The following DIXDC1 variants were observed in gnomAD, a reference collection of about 807,000 sequenced individuals.
DIXDC1 encodes the protein DIX domain containing 1, also known as dixin.
A neutral mutation model predicts 103.1 loss-of-function variants in DIXDC1; 64 were observed. The observed-to-expected ratio is 0.62, with a 90% CI of 0.51 to 0.76. The LOEUF is 0.76. DIXDC1 is among the 30% of genes least tolerant of loss of function. The pLI is 0.00. For missense variants in DIXDC1, 759 were observed against 834.2 expected, an observed-to-expected ratio of 0.91 and a Z score of 1.11; for synonymous variants, 266 against 298.5, an observed-to-expected ratio of 0.89 and a Z score of 1.12.
intron 17 of DIXDC1, among the ~76,000 whole-genome samples, chr11:111,999,911 G>A (rs1002450303): frequency 6.6e-6 from 1 of 151,978 alleles, no homozygotes. Context: ...TGAAGCAGGC[G>A]GATCACCTGA....
chr11:112,007,367 A>C (rs1861269302), intron 17 of DIXDC1, among the ~76,000 whole-genome samples: 1 of 152,232 alleles, frequency 6.6e-6, no homozygotes, highest in African/African-American at 2.4e-5. Flanking sequence ...AATGGAACCA[A>C]GTTGGAAAAC....
At chr11:111,980,518 T>C (rs943988537) in intron 5 of DIXDC1, among the ~76,000 whole-genome samples, 1 of 152,198 alleles carries the variant, frequency 6.6e-6, no homozygotes, top group Non-Finnish European at 1.5e-5. Context: ...GGAGAGACTT[T>C]GTAGGACTGG....
intron 2 of DIXDC1, among the ~76,000 whole-genome samples, chr11:111,930,617 A>C (rs1345794762): frequency 6.6e-6 from 1 of 152,144 alleles, no homozygotes; most frequent in Non-Finnish European, 1.5e-5. Flanking sequence ...TAATGGCTGT[A>C]ATTTTCTTAA....
chr11:111,989,964 ATT>A (rs1391436851), intron 10 of DIXDC1, among the ~76,000 whole-genome samples: 1 of 143,294 alleles, frequency 7.0e-6, no homozygotes, highest in Non-Finnish European at 1.5e-5. Context: ...AATTTTTTGT[ATT>A]TTTTTAGTAG....
intron 3 of DIXDC1, 60 bp from the exon 4 acceptor site, chr11:111,973,963 T>C: frequency 6.5e-7 from 1 of 1,534,718 alleles, no homozygotes. Context: ...AGTCCTCAGC[T>C]TTTGCCTCCC....
At position 112,019,430 on chromosome 11, in the gene DIXDC1, A is replaced by G. The variant is rs1262631785; in HGVS notation, c.*394A>G. Reference sequence around the variant, plus strand: ...TACAGTATTATTTTAATTGGCCTCAATGGTTGCAGCAATCAGAGTCCCAGC... The same window carrying G: ...TACAGTATTATTTTAATTGGCCTCAGTGGTTGCAGCAATCAGAGTCCCAGC... On this transcript the variant is annotated 3_prime_UTR_variant, in exon 20 of 20. Coordinates refer to ENST00000440460, the MANE Select transcript of DIXDC1 (RefSeq NM_001037954.4). 2 of 154,084 alleles carry G rather than the reference A, an allele frequency of 1.3e-5. No homozygotes were observed. Among genetic ancestry groups the G allele is most frequent in the East Asian group, 1.9e-4 (1 of 5,252 alleles). 9.5% of individuals were successfully genotyped at this position (154,084 alleles called of 1,614,324 possible).
chr11:112,016,589 G>C, intron 17 of DIXDC1, 102 bp from the exon 18 acceptor site: 1 of 938,048 alleles, frequency 1.1e-6, no homozygotes, highest in Non-Finnish European at 1.5e-6. Context: ...GCTGTGGGCT[G>C]TGACCTCAGG....
intron 1 of DIXDC1, among the ~76,000 whole-genome samples, chr11:111,947,584 G>A (rs1966640865): frequency 6.6e-6 from 1 of 152,206 alleles, no homozygotes. Flanking sequence ...CCTTGGATGA[G>A]AAGTACAGAT....
chr11:112,016,114 CCT>C (rs1555177678), intron 17 of DIXDC1: 2 of 150,732 alleles, frequency 1.3e-5, no homozygotes, highest in Admixed American at 6.6e-5. Flanking sequence ...CCGGCGAGAC[CCT>C]GTCTTAAAAA....
intron 17 of DIXDC1, among the ~76,000 whole-genome samples, chr11:112,005,812 CA>C (rs1861218059): frequency 6.6e-6 from 1 of 152,122 alleles, no homozygotes; most frequent in Non-Finnish European, 1.5e-5. Context: ...TTGCAGTAAT[CA>C]GTAGAAGTAG....
At chr11:111,990,800 G>A (rs761223859) in intron 10 of DIXDC1, among the ~76,000 whole-genome samples, 5 of 151,998 alleles carry the variant, frequency 3.3e-5, no homozygotes, top group Admixed American at 1.3e-4. Context: ...TCCACCTCCC[G>A]AGTTCAAGCA....
chr11:112,004,358 G>A (rs1861169142), intron 17 of DIXDC1, among the ~76,000 whole-genome samples: 1 of 152,086 alleles, frequency 6.6e-6, no homozygotes, highest in South Asian at 2.1e-4. Flanking sequence ...TTAAGCCACT[G>A]TGGAAGCGAA....
Position 111,977,825 on chromosome 11 carries a change from G to A in DIXDC1, c.656+2842G>A, listed in dbSNP as rs1346155906. 6.5e-7 allele frequency: 1 copy of A among 1,543,194 alleles called. No homozygotes were observed. The highest frequency in any genetic ancestry group is 1.2e-5 in the South Asian group (1 of 83,388). ...CTGAAGCCACTCTGGCTTTGGAAGT[G>A]GGGGGCCTGGGTGGGAACAGGGGCA... is the stretch of plus-strand genomic sequence containing the variant. On this transcript the variant is annotated intron_variant, in intron 5 of 19. Coordinates refer to ENST00000440460, the MANE Select transcript of DIXDC1 (RefSeq NM_001037954.4). This position sits in a 1 kb window ranked among gnomAD's most constrained non-coding sequence, Gnocchi z 6.1.
chr11:112,018,344 G>GC (rs1336737989), intron 19 of DIXDC1, among the ~76,000 whole-genome samples: 1 of 152,166 alleles, frequency 6.6e-6, no homozygotes, highest in Non-Finnish European at 1.5e-5. Flanking sequence ...CTTAGCCTAC[G>GC]CGTCTCTTTA....
Position 112,017,782 on chromosome 11 carries a change from A to C in DIXDC1, c.1868A>C (p.Glu623Ala). Residue 623 changes from glutamate to alanine, a missense_variant, in exon 19 of 20, where the codon GAG becomes GCG. This residue lies in a region of DIXDC1 where 657 missense variants were observed against 727.5 expected (regional missense o/e 0.90). Transcript: ENST00000440460. This position sits in a 1 kb window ranked among gnomAD's most constrained non-coding sequence, Gnocchi z 4.0. ...GCTCTCTCCTTGTGTTGCAGGTTGGAGGAGGTGACGTTAAAGGATTTTAAA... is the reference window on the plus strand; with the variant it reads ...GCTCTCTCCTTGTGTTGCAGGTTGGCGGAGGTGACGTTAAAGGATTTTAAA... Reference protein sequence around the residue: ...PFMVNIPKRLEEVTLKDFKAA... With the variant: ...PFMVNIPKRLAEVTLKDFKAA... 6.2e-7 allele frequency: 1 copy of C among 1,608,168 alleles called. No homozygotes were observed. Among genetic ancestry groups the C allele is most frequent in the Non-Finnish European group, 8.5e-7 (1 of 1,176,916 alleles).
At chr11:111,996,992 G>T (rs1448653739) in intron 17 of DIXDC1, among the ~76,000 whole-genome samples, 1 of 152,122 alleles carries the variant, frequency 6.6e-6, no homozygotes, top group Non-Finnish European at 1.5e-5. Context: ...GTTCAAACTT[G>T]TTGGAAAGCT....
chr11:111,928,587 C>A (rs1555167340), intron 1 of DIXDC1: 1 of 149,042 alleles, frequency 6.7e-6, no homozygotes, highest in Non-Finnish European at 1.5e-5. Context: ...ATGGCGAAAC[C>A]CCGTCTCTAC....
rs200351905 is a variant in DIXDC1, at chr11:112,013,321, TGGGGGTGGGGTGGGG to T, written c.1757-3364_1757-3350del. Among the ~76,000 whole-genome samples the T allele has an allele frequency of 4.2e-4, 15 of 35,730 alleles. No individual in the cohort carries two copies. The East Asian group carries it at 9.1e-3, about 22-fold the overall frequency. 23.4% of individuals were successfully genotyped at this position (35,730 alleles called of 152,430 possible). On this transcript the variant is annotated intron_variant, in intron 17 of 19. Coordinates refer to ENST00000440460, the MANE Select transcript of DIXDC1 (RefSeq NM_001037954.4). ...CATATGAAGTTGACGGGTCGGGGGG[TGGGGGTGGGGTGGGG>T]GGGGGGAACAAATTCAGTCCATAGC...
upstream of DIXDC1, chr11:111,937,161 G>A (rs1966227414): frequency 2.0e-6 from 2 of 983,432 alleles, no homozygotes; most frequent in African/African-American, 1.8e-5. Flanking sequence ...GCGTGCGGGC[G>A]TGCAGCGCGC....
Sources: gnomAD v4.1 joint callset for allele counts (sites outside exome capture counted in the v4.1 genomes callset) on GRCh38, gnomAD v4.1.1 for gene constraint, gnomAD v4.1.1 regional missense constraint, Gnocchi (gnomAD v3.1) non-coding constraint, MANE v1.5 for transcripts, NCBI Gene and HGNC (gene_info 2026-07-23, HGNC 2026-07-21) for gene names.